The following SIKE1 variants were observed in gnomAD, a reference collection of about 807,000 sequenced individuals.
The protein encoded by SIKE1 is suppressor of IKBKE 1, also known as suppressor of IKK epsilon.
Under a neutral mutation model 25.8 loss-of-function variants are expected in SIKE1, and 13 were observed. The observed-to-expected ratio is 0.50, with a 90% CI of 0.33 to 0.80. SIKE1 has a LOEUF of 0.80. SIKE1 is among the 30% of genes least tolerant of loss of function. The pLI is 0.02. For synonymous variants in SIKE1, 86 were observed against 95.5 expected (o/e 0.90, Z 0.58); for missense variants, 222 against 252.4 (o/e 0.88, Z 0.82).
chr1:114,779,283 C>T lies in SIKE1; in HGVS notation c.267G>A (p.Glu89=). ...QIRDLQQENR[E]LWISLEEHQD... The stretch of plus-strand genomic sequence containing the variant: ...GGTGTTCCTCCAAGGAAATCCATAG[C>T]TCTGTCAAAAAATAAAAGAACTTGG... Residue 89 remains glutamate, a splice_region_variant and synonymous_variant, in exon 3 of 5, where the codon GAG becomes GAA. Transcript: ENST00000060969. The T allele has an allele frequency of 1.9e-6, 3 of 1,613,062 alleles. No individual in the cohort carries two copies. Among genetic ancestry groups the T allele is most frequent in the African/African-American group, 1.3e-5 (1 of 74,932 alleles).
chr1:114,775,269 A>G (rs993179996), intron 4 of SIKE1, among the ~76,000 whole-genome samples: 5 of 152,188 alleles, frequency 3.3e-5, no homozygotes, highest in Non-Finnish European at 7.4e-5. Flanking sequence ...CAGCTAGAGT[A>G]ACTAAGAGAT....
intron 4 of SIKE1, among the ~76,000 whole-genome samples, chr1:114,775,503 CTTTTT>C (rs35490891): frequency 9.8e-5 from 12 of 122,566 alleles, no homozygotes; most frequent in South Asian, 2.5e-4. Context: ...AAATGCTTTG[CTTTTT>C]TTTTTTTTTT....
intron 3 of SIKE1, among the ~76,000 whole-genome samples, chr1:114,777,157 G>A (rs923667813): frequency 6.6e-5 from 10 of 152,038 alleles, no homozygotes; most frequent in African/African-American, 2.4e-4. Context: ...TGTAAAGGAC[G>A]AGTTAATGGG....
In SIKE1 at chr1:114,771,345, A is replaced by G. The variant is rs777854038; in HGVS notation, c.*2926T>C. The G allele has an allele frequency of 6.6e-6, 1 of 152,184 alleles. No individual in the cohort carries two copies. The highest frequency in any genetic ancestry group is 1.5e-5 in the Non-Finnish European group (1 of 68,020). 9.4% of individuals were successfully genotyped at this position (152,184 alleles called of 1,614,324 possible). On this transcript the variant is annotated 3_prime_UTR_variant, in exon 5 of 5. Coordinates refer to ENST00000060969, the MANE Select transcript of SIKE1 (RefSeq NM_025073.3). ...GTTTCTTTTGCACTAATAAAAATAG[A>G]TTTTGCTAATCAAGAACCACTTGAA...
Position 114,780,483 on chromosome 1 carries a change from G to T in SIKE1, c.125C>A (p.Ala42Asp), listed in dbSNP as rs764808045. 1 of 1,613,266 alleles carries T rather than the reference G, an allele frequency of 6.2e-7. No individual in the cohort carries two copies. The highest frequency in any genetic ancestry group is 1.1e-5 in the South Asian group (1 of 91,046). ...QSAALHRRVA[A>D]MREAGTALPD... ...AAGCGCTGTCCCCGCCTCCCGCATA[G>T]CTGCTACCCGCCGGTGCAGCGCCGC... Residue 42 changes from alanine (A) to aspartate (D), a missense_variant, in exon 1 of 5, where the codon GCT (alanine) becomes GAT (aspartate). Coordinates refer to ENST00000060969, the MANE Select transcript of SIKE1 (RefSeq NM_025073.3).
In SIKE1 at chr1:114,780,153, G is replaced by C. The variant is rs761691098; in HGVS notation, c.222C>G (p.Ser74=). 1.2e-6 allele frequency: 2 copies of C among 1,613,838 alleles called. No homozygotes were observed. The highest frequency in any genetic ancestry group is 1.7e-6 in the Non-Finnish European group (2 of 1,179,950). Residue 74 remains serine, a synonymous_variant, in exon 2 of 5, where the codon TCC becomes TCG. Transcript: ENST00000060969. ...AGTCTCTAATCTGTGTGTTCTCTTG[G>C]GACAGCAGAATGTGAGGTTTGTATT... ...MSKYKPHILL[S]QENTQIRDLQ...
chr1:114,774,717 C>T (rs563048572), intron 4 of SIKE1, among the ~76,000 whole-genome samples: 63 of 152,234 alleles, frequency 4.1e-4, no homozygotes, highest in Middle Eastern at 3.4e-3. Flanking sequence ...ACTATTATTT[C>T]TTTTATTTAA....
At chr1:114,780,072 CTT>C in intron 2 of SIKE1, 36 bp downstream of exon 2, 2 of 1,482,204 alleles carry the variant, frequency 1.3e-6, no homozygotes, top group Non-Finnish European at 1.9e-6. Flanking sequence ...TTTGCAATAA[CTT>C]TAAACTATTA....
At chr1:114,776,581 TG>T (rs1662247094) in intron 3 of SIKE1, 122 bp from the exon 4 acceptor site, 2 of 680,876 alleles carry the variant, frequency 2.9e-6, no homozygotes, top group Non-Finnish European at 5.1e-6. Context: ...GAAGTTACAA[TG>T]GAGTTTCCCT....
chr1:114,775,297 G>A (rs536550088), intron 4 of SIKE1, among the ~76,000 whole-genome samples: 70 of 152,172 alleles, frequency 4.6e-4, no homozygotes, highest in Middle Eastern at 6.8e-3. Flanking sequence ...TGTGGTCGAC[G>A]AATCTTCTAC....
intron 3 of SIKE1, among the ~76,000 whole-genome samples, chr1:114,778,432 G>A (rs936469251): frequency 6.6e-6 from 1 of 152,198 alleles, no homozygotes; most frequent in Admixed American, 6.5e-5. Context: ...GGAATAAAAT[G>A]TGAATTCATG....
chr1:114,778,159 C>T (rs1018365586), intron 3 of SIKE1, among the ~76,000 whole-genome samples: 2 of 152,204 alleles, frequency 1.3e-5, no homozygotes, highest in African/African-American at 4.8e-5. Context: ...TATTTCACTA[C>T]ATCTCACAGA....
chr1:114,779,341 A>T (rs1662339441), intron 2 of SIKE1, 57 bp from the exon 3 acceptor site: 3 of 1,571,144 alleles, frequency 1.9e-6, no homozygotes, highest in African/African-American at 2.7e-5. Flanking sequence ...CCCAAATCCA[A>T]AGTCTTAACA....
rs1178205223 is a variant in SIKE1, at chr1:114,780,198, G to A, written c.177C>T (p.Ser59=). The change falls in exon 2 of 5, where the codon TCC becomes TCT. Residue 59 remains serine (S), a synonymous_variant. Transcript: ENST00000060969. The part of the protein sequence containing the change: ...ALPDQYQEDA[S]DMKDMSKYKP... Reference sequence around the variant, plus strand: ...TGTATTTGGACATGTCCTTCATATCGGATGCATCCTCTTGATACTGGACAA... The same window carrying A: ...TGTATTTGGACATGTCCTTCATATCAGATGCATCCTCTTGATACTGGACAA... 6.2e-7 allele frequency: 1 copy of A among 1,612,958 alleles called. No individual in the cohort carries two copies. Among genetic ancestry groups the A allele is most frequent in the Non-Finnish European group, 8.5e-7 (1 of 1,179,370 alleles).
chr1:114,777,181 C>CAT (rs1662267706), intron 3 of SIKE1, among the ~76,000 whole-genome samples: 1 of 152,018 alleles, frequency 6.6e-6, no homozygotes, highest in African/African-American at 2.4e-5. Flanking sequence ...AGCACACCAT[C>CAT]ATGGCACATG....
chr1:114,772,403 C>G lies in SIKE1; in HGVS notation c.*1868G>C, dbSNP rs151041223. The G allele has an allele frequency of 7.1e-4, 108 of 152,286 alleles. No individual in the cohort carries two copies. The highest frequency in any genetic ancestry group is 2.4e-3 in the African/African-American group (98 of 41,552). 9.4% of individuals were successfully genotyped at this position (152,286 alleles called of 1,614,324 possible). Reference sequence around the variant, plus strand: ...ACATATTATCTTCATAGCATTAACACCAGCCAGAATTTATATTATGTAGAG... The same window carrying G: ...ACATATTATCTTCATAGCATTAACAGCAGCCAGAATTTATATTATGTAGAG... On this transcript the variant is annotated 3_prime_UTR_variant, in exon 5 of 5. Transcript: ENST00000060969.
Position 114,776,887 on chromosome 1 carries a change from G to C in SIKE1, c.409-428C>G, listed in dbSNP as rs1557723234. On this transcript the variant is annotated intron_variant, in intron 3 of 4. Coordinates refer to ENST00000060969, the MANE Select transcript of SIKE1 (RefSeq NM_025073.3). ...CAATGATAGACTGGATTAAGAAAAT[G>C]TGGCACATATATACCATGGAATACT... 5.3e-5 allele frequency among the ~76,000 whole-genome samples: 8 copies of C among 152,340 alleles called. No homozygotes were observed. In the South Asian group the frequency reaches 1.7e-3, roughly 32 times the overall value.
In SIKE1 at chr1:114,770,297, T is replaced by TATA. The variant is rs1381278619; in HGVS notation, c.*3973_*3974insTAT. 6.6e-6 allele frequency: 1 copy of TATA among 152,666 alleles called. No individual in the cohort carries two copies. The highest frequency in any genetic ancestry group is 2.4e-5 in the African/African-American group (1 of 41,462). 9.5% of individuals were successfully genotyped at this position (152,666 alleles called of 1,614,324 possible). A position where few individuals can be genotyped will look rare whatever the true frequency, so the allele number is the denominator to read the frequency against. On this transcript the variant is annotated 3_prime_UTR_variant, in exon 5 of 5. Coordinates refer to ENST00000060969, the MANE Select transcript of SIKE1 (RefSeq NM_025073.3). ...TTGTAATCCCAGCGACTTGGGAGGC[T>TATA]GAGGCAGGAGAATCGCTTGAACCCA...
intron 3 of SIKE1, among the ~76,000 whole-genome samples, 186 bp from the exon 4 acceptor site, chr1:114,776,645 G>GAT (rs1348052432): frequency 2.3e-5 from 3 of 129,448 alleles, no homozygotes; most frequent in African/African-American, 1.1e-4. Context: ...TGTATTCACG[G>GAT]ATATTTTTTT....
Sources: allele counts gnomAD v4.1 joint callset (sites outside exome capture counted in the v4.1 genomes callset), GRCh38; gene constraint gnomAD v4.1.1; transcripts MANE v1.5; gene names NCBI Gene and HGNC (gene_info 2026-07-23, HGNC 2026-07-21).